Variants in RAD50 observed in about 807,000 individuals in gnomAD.
RAD50 encodes the protein RAD50 double strand break repair protein.
RAD50 carries 132 observed loss-of-function variants against 168.8 expected under a neutral mutation model. The ratio of observed to expected loss-of-function variants is 0.78; its 90% CI spans 0.68 to 0.90. The LOEUF (loss-of-function observed/expected upper bound fraction) is 0.90. Ranked by LOEUF, RAD50 falls within the 40% of genes least tolerant of loss-of-function variation. The pLI, the probability that RAD50 is intolerant of heterozygous loss-of-function variation, is 0.00. For missense variants in RAD50, 1,347 were observed against 1,534.4 expected, an observed-to-expected ratio of 0.88 and a Z score of 2.04; for synonymous variants, 525 against 497.4, an observed-to-expected ratio of 1.06 and a Z score of -0.74.
At chr5:132,581,765 A>G (rs1750508627) in intron 5 of RAD50, among the ~76,000 whole-genome samples, 2 of 152,206 alleles carry the variant, frequency 1.3e-5, no homozygotes, top group South Asian at 4.1e-4. Context: ...TTAGTTCAAT[A>G]GACAGAAGAG....
At chr5:132,639,236 C>G (rs561170079) in intron 23 of RAD50, among the ~76,000 whole-genome samples, 2 of 151,992 alleles carry the variant, frequency 1.3e-5, no homozygotes, top group African/African-American at 4.8e-5. Context: ...GCCTGTAATC[C>G]CAGCTACTCG....
chr5:132,560,372 A>T (rs1347092708), intron 2 of RAD50, among the ~76,000 whole-genome samples: 1 of 152,200 alleles, frequency 6.6e-6, no homozygotes, highest in Non-Finnish European at 1.5e-5. Flanking sequence ...TAGTGTGATT[A>T]AAGATAACTC....
intron 13 of RAD50, among the ~76,000 whole-genome samples, chr5:132,599,757 C>G (rs998471322): frequency 1.3e-5 from 2 of 151,546 alleles, no homozygotes; most frequent in Non-Finnish European, 2.9e-5. Context: ...TATGGGAAAG[C>G]AATTGCCTAA....
intron 1 of RAD50, among the ~76,000 whole-genome samples, chr5:132,558,186 A>T (rs1249670779): frequency 6.6e-6 from 1 of 152,234 alleles, no homozygotes; most frequent in Non-Finnish European, 1.5e-5. Context: ...TGAGAATTGA[A>T]TGCCAAACTT....
rs1428592431 is a variant in RAD50, at chr5:132,625,179, C to T, written c.3389+6885C>T. ...TCGGCTCACTGCAAGCTCCGCCTCC[C>T]GGGTTCACGCCATTCTCCTGCCTCA... is the stretch of plus-strand genomic sequence containing the variant. On this transcript the variant is annotated intron_variant, in intron 21 of 24. Coordinates refer to ENST00000378823, the MANE Select transcript of RAD50 (RefSeq NM_005732.4). 3.3e-5 allele frequency among the ~76,000 whole-genome samples: 5 copies of T among 150,280 alleles called. No homozygotes were observed. In the East Asian group the frequency reaches 9.8e-4, roughly 29 times the overall value.
chr5:132,582,102 A>T (rs191185205), intron 5 of RAD50, among the ~76,000 whole-genome samples: 5 of 152,324 alleles, frequency 3.3e-5, no homozygotes, highest in Non-Finnish European at 7.3e-5. Context: ...AGACATAGAG[A>T]CAGTAAAATC....
intron 19 of RAD50, 44 bp downstream of exon 19, chr5:132,609,440 C>A: frequency 6.2e-7 from 1 of 1,605,846 alleles, no homozygotes; most frequent in East Asian, 2.2e-5. Flanking sequence ...CTATGACATT[C>A]TTTTCTATAG....
intron 21 of RAD50, among the ~76,000 whole-genome samples, chr5:132,630,030 A>G (rs1024731272): frequency 6.6e-6 from 1 of 150,490 alleles, no homozygotes; most frequent in East Asian, 1.9e-4. Context: ...GGAAGGTTGC[A>G]TATTAGGTAA....
Position 132,624,871 on chromosome 5 carries a change from CA to C in RAD50, c.3389+6599del, listed in dbSNP as rs10671829. ...TGGGTGACAGAAAGAGACCCTGTCT[CA>C]AAAAAAAAAAAAAAAAAAAAATCAC... On this transcript the variant is annotated intron_variant, in intron 21 of 24. Coordinates refer to ENST00000378823, the MANE Select transcript of RAD50 (RefSeq NM_005732.4). Among the ~76,000 whole-genome samples, 440 of 57,326 alleles carry C rather than the reference CA, an allele frequency of 7.7e-3. 2 individuals carry two copies. Among genetic ancestry groups the C allele is most frequent in the Middle Eastern group, 0.022 (2 of 92 alleles). 37.6% of individuals were successfully genotyped at this position (57,326 alleles called of 152,430 possible).
chr5:132,641,538 A>G (rs1449090772), intron 24 of RAD50, among the ~76,000 whole-genome samples: 1 of 152,194 alleles, frequency 6.6e-6, no homozygotes, highest in African/African-American at 2.4e-5. Flanking sequence ...TGAAACCTCA[A>G]ATGCATCCAG....
Position 132,570,597 on chromosome 5 carries a change from C to T in RAD50, c.214-5180C>T, listed in dbSNP as rs192724809. Among the ~76,000 whole-genome samples, 202 of 152,310 alleles carry T rather than the reference C, an allele frequency of 1.3e-3. 1 individual carries two copies. Among genetic ancestry groups the T allele is most frequent in the African/African-American group, 4.7e-3 (197 of 41,584 alleles). On this transcript the variant is annotated intron_variant, in intron 2 of 24. Coordinates refer to ENST00000378823, the MANE Select transcript of RAD50 (RefSeq NM_005732.4). ...AGCTTCCAACTTTTCTTTGCAGCTT[C>T]TTTACTTCTCTCAGCCTTCATAGAA...
At position 132,589,704 on chromosome 5, in the gene RAD50, G is replaced by A. The variant is rs1265250275; in HGVS notation, c.1319G>A (p.Gly440Glu). The change falls in exon 9 of 25, where the codon GGA becomes GAA. Residue 440 changes from glycine to glutamate, a missense_variant. Transcript: ENST00000378823. ...ATAAGAGATAAGAAAACTGGACTGG[G>A]AAGAATAATTGAGTTAAAATCAGAA... is the stretch of plus-strand genomic sequence containing the variant. ...DEIRDKKTGLGRIIELKSEIL... is the reference protein window; with the variant it reads ...DEIRDKKTGLERIIELKSEIL... 1 of 1,612,650 alleles carries A rather than the reference G, an allele frequency of 6.2e-7. No individual in the cohort carries two copies. The highest frequency in any genetic ancestry group is 8.5e-7 in the Non-Finnish European group (1 of 1,179,180).
At chr5:132,634,937 C>T (rs947581143) in intron 21 of RAD50, among the ~76,000 whole-genome samples, 15 of 152,052 alleles carry the variant, frequency 9.9e-5, no homozygotes, top group Non-Finnish European at 4.4e-5. Flanking sequence ...TACTAAATTT[C>T]GTTTTATTTA....
intron 19 of RAD50, 38 bp downstream of exon 19, chr5:132,609,434 G>T: frequency 1.2e-6 from 2 of 1,609,012 alleles, no homozygotes; most frequent in South Asian, 2.2e-5. Flanking sequence ...TTACACCTAT[G>T]ACATTCTTTT....
intron 21 of RAD50, among the ~76,000 whole-genome samples, chr5:132,620,624 A>C (rs1751269405): frequency 6.7e-6 from 1 of 150,130 alleles, no homozygotes; most frequent in Non-Finnish European, 1.5e-5. Flanking sequence ...ATTTTTCTTG[A>C]CTCCTCCTTT....
chr5:132,592,827 G>A (rs781292361), intron 11 of RAD50: 29 of 470,844 alleles, frequency 6.2e-5, no homozygotes, highest in Non-Finnish European at 1.2e-4. Context: ...AATGCTTTAG[G>A]AACTTGATCC....
chr5:132,637,337 T>G, intron 22 of RAD50, 137 bp downstream of exon 22: 3 of 1,436,640 alleles, frequency 2.1e-6, no homozygotes, highest in Non-Finnish European at 2.8e-6. Flanking sequence ...TAAGAATTCT[T>G]ATCTTGGCAA....
intron 2 of RAD50, among the ~76,000 whole-genome samples, chr5:132,569,907 A>G (rs1750270649): frequency 6.6e-6 from 1 of 152,236 alleles, no homozygotes; most frequent in Admixed American, 6.5e-5. Flanking sequence ...GGGAAATTAG[A>G]AAAAATACTT....
At chr5:132,587,265 T>C (rs1291552988) in intron 5 of RAD50, among the ~76,000 whole-genome samples, 2 of 152,242 alleles carry the variant, frequency 1.3e-5, no homozygotes, top group East Asian at 1.9e-4. Flanking sequence ...TAAGTAACTC[T>C]AAATGCCCAA....
Sources: gnomAD v4.1 joint callset for allele counts (sites outside exome capture counted in the v4.1 genomes callset) on GRCh38, gnomAD v4.1.1 for gene constraint, MANE v1.5 for transcripts, NCBI Gene and HGNC (gene_info 2026-07-23, HGNC 2026-07-21) for gene names.